Variants in GAB1 observed in about 807,000 individuals in gnomAD.
The protein encoded by GAB1 is GRB2-associated-binding protein 1.
GAB1 carries 19 observed loss-of-function variants against 66.5 expected under a neutral mutation model. That is an observed-to-expected ratio of 0.29 (90% confidence interval 0.20 to 0.42). The LOEUF (loss-of-function observed/expected upper bound fraction) is 0.42. GAB1 is among the 10% of genes least tolerant of loss of function. GAB1 has a pLI of 1.00. For missense variants in GAB1, 732 were observed against 858.5 expected (o/e 0.85, Z 1.84); for synonymous variants, 294 against 301.4 (o/e 0.98, Z 0.25).
intron 1 of GAB1, among the ~76,000 whole-genome samples, chr4:143,373,886 T>TATATATATATATA (rs1560726035): frequency 1.8e-4 from 23 of 128,250 alleles, no homozygotes; most frequent in South Asian, 2.4e-4. Flanking sequence ...TATATATATA[T>TATATATATATATA]TTTTACCTTT....
chr4:143,435,094 T>C (rs1399158784), intron 3 of GAB1, among the ~76,000 whole-genome samples: 1 of 152,204 alleles, frequency 6.6e-6, no homozygotes, highest in African/African-American at 2.4e-5. Flanking sequence ...CAGATTTTTT[T>C]TTAATGTGGA....
In GAB1 at chr4:143,440,189, A is replaced by G. The variant is rs557498645; in HGVS notation, c.1392A>G (p.Thr464=). 14 of 1,614,086 alleles carry G rather than the reference A, an allele frequency of 8.7e-6. No individual in the cohort carries two copies. Among genetic ancestry groups the G allele is most frequent in the Non-Finnish European group, 1.1e-5 (13 of 1,180,026 alleles). ...CACGACAACATTCCAGCAGTTTTACAGAACCAATTCAGGAAGCAAATTATG... is the reference window on the plus strand; with the variant it reads ...CACGACAACATTCCAGCAGTTTTACGGAACCAATTCAGGAAGCAAATTATG... ...SPPRQHSSSF[T]EPIQEANYVP... is the part of the protein sequence containing the mutation. Residue 464 remains threonine (T), a synonymous_variant, in exon 6 of 10, where the codon ACA becomes ACG. Transcript: ENST00000262994.
At chr4:143,429,739 A>C (rs1271186474) in intron 2 of GAB1, among the ~76,000 whole-genome samples, 2 of 152,230 alleles carry the variant, frequency 1.3e-5, no homozygotes, top group South Asian at 2.1e-4. Context: ...AGCCTTGGTG[A>C]AACAACCAGT....
At chr4:143,350,939 T>C (rs190541933) in intron 1 of GAB1, among the ~76,000 whole-genome samples, 189 of 152,224 alleles carry the variant, frequency 1.2e-3, no homozygotes, top group African/African-American at 4.2e-3. Context: ...AAGGTTCCCT[T>C]GTCCCCCTCG....
Position 143,423,792 on chromosome 4 carries a change from GTATATATATATATATATATATATATA to G in GAB1, c.367+8041_367+8066del, listed in dbSNP as rs35559967. 2.5e-3 allele frequency among the ~76,000 whole-genome samples: 171 copies of G among 67,768 alleles called. 6 individuals are homozygous for G. Among genetic ancestry groups the G allele is most frequent in the Middle Eastern group, 0.015 (1 of 66 alleles). 44.5% of individuals were successfully genotyped at this position (67,768 alleles called of 152,430 possible). The stretch of plus-strand genomic sequence containing the variant: ...CTCCATCTCAAAAAAAAAAAAAAGT[GTATATATATATATATATATATATATA>G]TATATATATATATATATATGTCTTC... On this transcript the variant is annotated intron_variant, in intron 2 of 9. Transcript: ENST00000262994.
chr4:143,362,793 G>A (rs1415724285), intron 1 of GAB1, among the ~76,000 whole-genome samples: 1 of 152,066 alleles, frequency 6.6e-6, no homozygotes. Context: ...TGTATCTTGT[G>A]CCCACCTCCT....
At position 143,359,600 on chromosome 4, in the gene GAB1, CCT is replaced by C. The variant is rs541013696; in HGVS notation, c.72+22341_72+22342del. Among the ~76,000 whole-genome samples the C allele has an allele frequency of 1.4e-4, 21 of 152,292 alleles. No homozygotes were observed. The South Asian group carries it at 4.2e-3, about 30-fold the overall frequency. ...CATTATGAAAAGTTGTGCCTTATCC[CCT>C]GTGTGAGTGCTCTAAGCTCTCTGTA... On this transcript the variant is annotated intron_variant, in intron 1 of 9. Transcript: ENST00000262994.
At chr4:143,374,067 T>C (rs934038640) in intron 1 of GAB1, among the ~76,000 whole-genome samples, 1 of 151,612 alleles carries the variant, frequency 6.6e-6, no homozygotes, top group Admixed American at 6.6e-5. Flanking sequence ...AGGGAGAGTA[T>C]TGACCTCATT....
chr4:143,435,447 T>C (rs1733895697), intron 3 of GAB1, among the ~76,000 whole-genome samples: 1 of 152,220 alleles, frequency 6.6e-6, no homozygotes, highest in African/African-American at 2.4e-5. Flanking sequence ...ATTAGCAACT[T>C]TTTAGAAGCC....
intron 3 of GAB1, chr4:143,434,218 GTAAAATCCCAATA>G: frequency 1.1e-6 from 1 of 934,378 alleles, no homozygotes; most frequent in Non-Finnish European, 1.5e-6. Flanking sequence ...TAATCATAAG[GTAAAATCCCAATA>G]TAGCAAATTC....
intron 4 of GAB1, among the ~76,000 whole-genome samples, chr4:143,439,281 G>A (rs2149756964): frequency 6.6e-6 from 1 of 152,296 alleles, no homozygotes; most frequent in South Asian, 2.1e-4. Flanking sequence ...GAAAGCTAAA[G>A]TTTTTAATGC....
chr4:143,429,242 A>G (rs1489126102), intron 2 of GAB1, among the ~76,000 whole-genome samples: 1 of 152,070 alleles, frequency 6.6e-6, no homozygotes, highest in Non-Finnish European at 1.5e-5. Flanking sequence ...AGCTGGTACT[A>G]CAGGCACGTG....
chr4:143,393,798 A>G (rs1047787294), intron 1 of GAB1, among the ~76,000 whole-genome samples: 4 of 152,250 alleles, frequency 2.6e-5, no homozygotes, highest in Non-Finnish European at 4.4e-5. Context: ...GCTTGAAAAC[A>G]TAAAAAACTG....
At chr4:143,451,205 G>C (rs1435770711) in intron 6 of GAB1, among the ~76,000 whole-genome samples, 4 of 152,086 alleles carry the variant, frequency 2.6e-5, no homozygotes, top group Non-Finnish European at 5.9e-5. Context: ...GAGTGTGAGT[G>C]GCAATTAAAT....
At chr4:143,448,264 T>C (rs1292071998) in intron 6 of GAB1, among the ~76,000 whole-genome samples, 1 of 151,956 alleles carries the variant, frequency 6.6e-6, no homozygotes, top group Non-Finnish European at 1.5e-5. Flanking sequence ...TTTTTGGTTG[T>C]GTCTCTGCCC....
chr4:143,451,097 G>T (rs892256816), intron 6 of GAB1, among the ~76,000 whole-genome samples: 7 of 152,192 alleles, frequency 4.6e-5, no homozygotes, highest in African/African-American at 1.7e-4. Flanking sequence ...AGGAGGGGAT[G>T]TGGAGAAGTA....
At chr4:143,349,544 C>G (rs954094440) in intron 1 of GAB1, 4 of 1,511,916 alleles carry the variant, frequency 2.6e-6, no homozygotes, top group African/African-American at 1.4e-5. Flanking sequence ...GGTGCGGAGA[C>G]GATGCCAGTG....
At position 143,472,701 on chromosome 4, in the gene GAB1, C is replaced by T. The variant is rs1202926198; in HGVS notation, c.*3512C>T. ...GTGGGCTGATCCTTCCCATTTCTGT[C>T]TTCGGGTCATTCTGGTAGGTCTTCT... is the stretch of plus-strand genomic sequence containing the variant. On this transcript the variant is annotated 3_prime_UTR_variant, in exon 10 of 10. Transcript: ENST00000262994. 1 of 152,188 alleles carries T rather than the reference C, an allele frequency of 6.6e-6. No homozygotes were observed. Among genetic ancestry groups the T allele is most frequent in the African/African-American group, 2.4e-5 (1 of 41,522 alleles). 9.4% of individuals were successfully genotyped at this position (152,188 alleles called of 1,614,324 possible).
chr4:143,382,656 T>C (rs1231752364), intron 1 of GAB1, among the ~76,000 whole-genome samples: 2 of 152,212 alleles, frequency 1.3e-5, no homozygotes, highest in Non-Finnish European at 2.9e-5. Flanking sequence ...TGTTGATCTG[T>C]TGGCTTTAAA....
Sources: allele counts gnomAD v4.1 joint callset (sites outside exome capture counted in the v4.1 genomes callset), GRCh38; gene constraint gnomAD v4.1.1; transcripts MANE v1.5; gene names NCBI Gene and HGNC (gene_info 2026-07-23, HGNC 2026-07-21).